Variants in CALCR observed in about 807,000 individuals in gnomAD.
CALCR encodes calcitonin receptor.
CALCR carries 47 observed loss-of-function variants against 59.5 expected under a neutral mutation model. The observed-to-expected ratio is 0.79, with a 90% CI of 0.63 to 1.01. CALCR has a LOEUF of 1.01. Ranked by LOEUF, CALCR falls within the 50% of genes least tolerant of loss-of-function variation. CALCR has a pLI of 0.00. For synonymous variants in CALCR, 213 were observed against 211.3 expected (o/e 1.01, Z -0.07); for missense variants, 566 against 597.1 (o/e 0.95, Z 0.54).
chr7:93,530,061 G>A (rs1168432685), intron 2 of CALCR, among the ~76,000 whole-genome samples: 4 of 151,950 alleles, frequency 2.6e-5, no homozygotes, highest in Non-Finnish European at 4.4e-5. Context: ...ATACTAAAAG[G>A]TATTTTGACT....
rs114352555 is a variant in CALCR, at chr7:93,446,513, G to T, written c.649-2756C>A. Among the ~76,000 whole-genome samples, 1,022 of 152,044 alleles carry T rather than the reference G, an allele frequency of 6.7e-3. 9 individuals carry two copies. Among genetic ancestry groups the T allele is most frequent in the African/African-American group, 0.023 (963 of 41,520 alleles). The stretch of plus-strand genomic sequence containing the variant: ...CCAAGATATTCAAGGTAATTCAGTT[G>T]CATTCAACAAACATTTATGGAACAC... On this transcript the variant is annotated intron_variant, in intron 8 of 13. Coordinates refer to ENST00000426151, the MANE Select transcript of CALCR (RefSeq NM_001742.4).
chr7:93,507,986 C>T (rs1584593853), intron 2 of CALCR, among the ~76,000 whole-genome samples: 1 of 151,812 alleles, frequency 6.6e-6, no homozygotes, highest in South Asian at 2.1e-4. Flanking sequence ...GACAACCTTT[C>T]TTTGATTTTC....
intron 2 of CALCR, among the ~76,000 whole-genome samples, chr7:93,496,725 T>C (rs1331867467): frequency 6.6e-6 from 1 of 151,592 alleles, no homozygotes; most frequent in Admixed American, 6.6e-5. Flanking sequence ...ACATGGCTTG[T>C]CTCAAAACAG....
At chr7:93,493,207 T>C (rs892186628) in intron 2 of CALCR, among the ~76,000 whole-genome samples, 1 of 151,400 alleles carries the variant, frequency 6.6e-6, no homozygotes. Context: ...TTGATAATGA[T>C]GGTGGCTTGT....
chr7:93,545,420 G>A (rs1789259410), intron 2 of CALCR, among the ~76,000 whole-genome samples: 1 of 152,082 alleles, frequency 6.6e-6, no homozygotes, highest in Non-Finnish European at 1.5e-5. Flanking sequence ...TGGTTAAGAA[G>A]TTGTATTTAA....
At chr7:93,553,552 C>A (rs1255082928) in intron 2 of CALCR, among the ~76,000 whole-genome samples, 1 of 151,996 alleles carries the variant, frequency 6.6e-6, no homozygotes, top group Admixed American at 6.6e-5. Flanking sequence ...TGGGGTCAGA[C>A]TTCCTGACAG....
chr7:93,523,156 TC>T (rs560864872), intron 2 of CALCR, among the ~76,000 whole-genome samples: 125 of 152,330 alleles, frequency 8.2e-4, no homozygotes, highest in African/African-American at 2.9e-3. Context: ...CTAATTTGTT[TC>T]CTTCCTTACC....
intron 8 of CALCR, among the ~76,000 whole-genome samples, chr7:93,455,475 T>G (rs1800192371): frequency 6.6e-6 from 1 of 151,866 alleles, no homozygotes; most frequent in Non-Finnish European, 1.5e-5. Context: ...GGGAGGACCT[T>G]AATCTAATGT....
At chr7:93,503,524 ATTGAT>A (rs1366243545) in intron 2 of CALCR, among the ~76,000 whole-genome samples, 4 of 152,068 alleles carry the variant, frequency 2.6e-5, no homozygotes, top group East Asian at 1.9e-4. Flanking sequence ...ATTGAAAGTG[ATTGAT>A]TTGATTTGAT....
chr7:93,431,874 T>C (rs917410075), intron 13 of CALCR, among the ~76,000 whole-genome samples: 2 of 152,226 alleles, frequency 1.3e-5, no homozygotes, highest in African/African-American at 4.8e-5. Context: ...TTCATTTCTA[T>C]GCTACTTCTT....
At chr7:93,475,634 T>C (rs1800651512) in intron 5 of CALCR, among the ~76,000 whole-genome samples, 1 of 151,768 alleles carries the variant, frequency 6.6e-6, no homozygotes. Flanking sequence ...GAGATACTAC[T>C]CTTAAAGAAG....
intron 2 of CALCR, among the ~76,000 whole-genome samples, chr7:93,537,794 T>C (rs1040725306): frequency 3.3e-5 from 5 of 151,744 alleles, no homozygotes; most frequent in Admixed American, 2.0e-4. Flanking sequence ...TAATTTCCTA[T>C]AAAAAGTTAA....
At chr7:93,573,377 A>C (rs1229582048) in intron 2 of CALCR, among the ~76,000 whole-genome samples, 1 of 152,158 alleles carries the variant, frequency 6.6e-6, no homozygotes, top group Non-Finnish European at 1.5e-5. Context: ...TGAACATTTC[A>C]CCTTCAATCA....
chr7:93,438,356 C>G, intron 9 of CALCR, 86 bp from the exon 10 acceptor site: 1 of 978,076 alleles, frequency 1.0e-6, no homozygotes, highest in East Asian at 2.5e-5. Flanking sequence ...AGTGTACTTG[C>G]AAAAATACTG....
intron 2 of CALCR, among the ~76,000 whole-genome samples, chr7:93,519,089 A>AT (rs937376569): frequency 1.3e-5 from 2 of 151,894 alleles, no homozygotes; most frequent in African/African-American, 4.8e-5. Flanking sequence ...ATAATCTTCT[A>AT]TTTTTTAAGA....
chr7:93,495,947 G>A, intron 2 of CALCR: 2 of 1,526,670 alleles, frequency 1.3e-6, no homozygotes, highest in Non-Finnish European at 1.8e-6. Flanking sequence ...GGTGGCAAAA[G>A]TGGGTGGATC....
At chr7:93,474,934 T>A (rs1800635424) in intron 5 of CALCR, among the ~76,000 whole-genome samples, 1 of 151,788 alleles carries the variant, frequency 6.6e-6, no homozygotes, top group South Asian at 2.1e-4. Context: ...TGAAGAACAC[T>A]GCTATTGTTT....
At chr7:93,473,523 T>C (rs1214913761) in intron 5 of CALCR, among the ~76,000 whole-genome samples, 1 of 151,122 alleles carries the variant, frequency 6.6e-6, no homozygotes, top group Non-Finnish European at 1.5e-5. Context: ...AATAAGATGA[T>C]GTAAATGGTA....
intron 2 of CALCR, among the ~76,000 whole-genome samples, chr7:93,549,192 A>T (rs1789383949): frequency 6.6e-6 from 1 of 152,142 alleles, no homozygotes; most frequent in Admixed American, 6.6e-5. Context: ...GAGGGGTTGG[A>T]TAATCACCAT....
Sources: allele counts gnomAD v4.1 joint callset (sites outside exome capture counted in the v4.1 genomes callset), GRCh38; gene constraint gnomAD v4.1.1; transcripts MANE v1.5; gene names NCBI Gene and HGNC (gene_info 2026-07-23, HGNC 2026-07-21).